SEMA6C: variants seen among roughly 807,000 people sequenced by gnomAD.
SEMA6C encodes semaphorin 6C.
SEMA6C carries 37 observed loss-of-function variants against 72.9 expected under a neutral mutation model. That is an observed-to-expected ratio of 0.51 (90% CI 0.39 to 0.67). The LOEUF is 0.67. SEMA6C is among the 30% of genes least tolerant of loss of function. The probability of loss-of-function intolerance (pLI) is 0.00; values close to 1 mark genes in which losing one functional copy is unlikely to be tolerated. For synonymous variants in SEMA6C, 578 were observed against 554.1 expected (o/e 1.04, Z -0.61); for missense variants, 1,189 against 1,263.6 (o/e 0.94, Z 0.89).
chr1:151,137,129 C>A, intron 10 of SEMA6C, 55 bp from the exon 11 acceptor site: 1 of 1,506,114 alleles, frequency 6.6e-7, no homozygotes. Context: ...GGGCCAGCTG[C>A]ATGCAAGGAG....
At chr1:151,140,135 C>T (rs1252882314) in intron 3 of SEMA6C, 45 bp from the exon 4 acceptor site, 1 of 1,501,854 alleles carries the variant, frequency 6.7e-7, no homozygotes, top group African/African-American at 1.4e-5. Context: ...CCACAAACTT[C>T]CCCAACACCC....
At chr1:151,134,146 C>CA in intron 18 of SEMA6C, 1 of 972,580 alleles carries the variant, frequency 1.0e-6, no homozygotes, top group African/African-American at 1.7e-5. Flanking sequence ...CTGTGGAACC[C>CA]AGGAGTCCAG....
At chr1:151,139,759 A>C in intron 4 of SEMA6C, 58 bp from the exon 5 acceptor site, 1 of 1,501,408 alleles carries the variant, frequency 6.7e-7, no homozygotes, top group Non-Finnish European at 9.0e-7. Context: ...CTTTACCCAC[A>C]GTCAGCTGTT....
intron 14 of SEMA6C, 38 bp downstream of exon 14, chr1:151,135,553 C>T: frequency 6.3e-7 from 1 of 1,586,328 alleles, no homozygotes; most frequent in South Asian, 1.1e-5. Context: ...CCCATCCCCT[C>T]CCTGCTTTGC....
intron 2 of SEMA6C, among the ~76,000 whole-genome samples, chr1:151,143,314 G>A (rs1682712002): frequency 2.0e-5 from 3 of 152,168 alleles, no homozygotes; most frequent in African/African-American, 7.2e-5. Context: ...AGTTGGTGGG[G>A]GGGACTGTCT....
Position 151,138,092 on chromosome 1 carries a change from G to A in SEMA6C, c.561C>T (p.Tyr187=). The A allele has an allele frequency of 6.2e-7, 1 of 1,614,100 alleles. No homozygotes were observed. The highest frequency in any genetic ancestry group is 2.2e-5 in the East Asian group (1 of 44,888). ...CCTGGAAATCCGCAGCTGTGGCTGA[G>A]TACAGGCTGCCCTCTGGAGGGATGG... ...NVAIFAEGSL[Y]SATAADFQAS... is the part of the protein sequence containing the mutation. Residue 187 remains tyrosine (Y), a synonymous_variant, in exon 9 of 19, where the codon TAC becomes TAT. Transcript: ENST00000368914.
chr1:151,136,120 A>G lies in SEMA6C; in HGVS notation c.1150T>C (p.Ser384Pro). 1 of 1,613,904 alleles carries G rather than the reference A, an allele frequency of 6.2e-7. No homozygotes were observed. The change falls in exon 13 of 19, where the codon TCT (serine) becomes CCT (proline). Residue 384 changes from serine to proline, a missense_variant. Physicochemically the swap from Ser to Pro is moderately conservative, Grantham distance 74. Around this residue, in one of 2 missense-constraint regions of SEMA6C, gnomAD observed 468 missense variants for 577.4 expected, o/e 0.81. Transcript: ENST00000368914. Reference sequence around the variant, plus strand: ...ACATCATCAGGGAGGTCTCGGGAAGAGGAGAACAAGGCAGCTCCCCCTACT... The same window carrying G: ...ACATCATCAGGGAGGTCTCGGGAAGGGGAGAACAAGGCAGCTCCCCCTACT... Reference protein sequence around the residue: ...AGVGGAALFSSSRDLPDDVLT... With the variant: ...AGVGGAALFSPSRDLPDDVLT...
intron 9 of SEMA6C, 51 bp from the exon 10 acceptor site, chr1:151,137,850 C>T (rs369854597): frequency 1.9e-6 from 3 of 1,589,120 alleles, no homozygotes; most frequent in South Asian, 2.2e-5. Context: ...TGTACCTGCT[C>T]AGAAGCTCCT....
In SEMA6C at chr1:151,133,030, C is replaced by A. The variant is rs1473690863; in HGVS notation, c.2247G>T (p.Leu749=). The A allele has an allele frequency of 1.7e-5, 24 of 1,399,562 alleles. No homozygotes were observed. Among genetic ancestry groups the A allele is most frequent in the Non-Finnish European group, 2.2e-5 (24 of 1,080,714 alleles). The allele number at this position is 1,399,562 out of a possible 1,614,324, so 86.7% of individuals were successfully genotyped here. ...GACAGCCGGGCGGCGGTGGCCTCAC[C>A]AGCACGCGGGGCGCGGGCCCGCCCG... The part of the protein sequence containing the change: ...HAAGGPAPRV[L]VRPPPPGCPG... Residue 749 remains leucine, a synonymous_variant, in exon 19 of 19, where the codon CTG becomes CTT. Transcript: ENST00000368914. This position sits in a 1 kb window ranked among gnomAD's most constrained non-coding sequence, Gnocchi z 5.9.
At position 151,145,638 on chromosome 1, in the gene SEMA6C, C is replaced by T. The variant is rs950274915; in HGVS notation, c.-105+795G>A. ...GGGCCGGGACCGGGTCCCAGAGCCA[C>T]GTTAGCGAGAGGAGGGGCTGGAGGG... On this transcript the variant is annotated intron_variant, in intron 1 of 18. Coordinates refer to ENST00000368914, the MANE Select transcript of SEMA6C (RefSeq NM_030913.6). The surrounding 1 kb of genome is among the most constrained non-coding windows in gnomAD (Gnocchi z 4.4). 4.3e-5 allele frequency: 7 copies of T among 163,874 alleles called. No individual in the cohort carries two copies. The highest frequency in any genetic ancestry group is 8.0e-5 in the Non-Finnish European group (6 of 75,406). The allele number at this position is 163,874 out of a possible 1,614,324, so 10.2% of individuals were successfully genotyped here. A position where few individuals can be genotyped will look rare whatever the true frequency, so the allele number is the denominator to read the frequency against.
At position 151,133,474 on chromosome 1, in the gene SEMA6C, G is replaced by A. The variant is rs368403631; in HGVS notation, c.1803C>T (p.Val601=). Residue 601 remains valine (V), a synonymous_variant, in exon 19 of 19, where the codon GTC becomes GTT. Transcript: ENST00000368914. This position sits in a 1 kb window ranked among gnomAD's most constrained non-coding sequence, Gnocchi z 5.9. ...CACTGGCCAGGAGGAGTGGGATGGG[G>A]ACGGAGCGGGAGGCCGAGGCTGGGG... ...DLPPASASRS[V]PIPLLLASVA... The A allele has an allele frequency of 3.9e-6, 6 of 1,547,266 alleles. No individual in the cohort carries two copies. In the African/African-American group the frequency reaches 8.2e-5, roughly 21 times the overall value.
Position 151,133,306 on chromosome 1 carries a change from G to A in SEMA6C, c.1971C>T (p.Leu657=). The change falls in exon 19 of 19, where the codon CTC becomes CTT. Residue 657 remains leucine, a synonymous_variant. Coordinates refer to ENST00000368914, the MANE Select transcript of SEMA6C (RefSeq NM_030913.6). The surrounding 1 kb of genome is among the most constrained non-coding windows in gnomAD (Gnocchi z 5.9). ...GCGGGGGCTCTGGGCCCCCACCGTGGAGCCGGGCCAAACTGCGGAGGGAGA... is the reference window on the plus strand; with the variant it reads ...GCGGGGGCTCTGGGCCCCCACCGTGAAGCCGGGCCAAACTGCGGAGGGAGA... ...RPLSLRSLAR[L]HGGGPEPPPP... 1 of 1,585,002 alleles carries A rather than the reference G, an allele frequency of 6.3e-7. No individual in the cohort carries two copies. Among genetic ancestry groups the A allele is most frequent in the Non-Finnish European group, 8.6e-7 (1 of 1,169,228 alleles).
chr1:151,138,278 C>T, intron 8 of SEMA6C, 38 bp downstream of exon 8: 2 of 1,606,164 alleles, frequency 1.2e-6, no homozygotes, highest in Non-Finnish European at 1.7e-6. Flanking sequence ...GAGCTCCCTC[C>T]AGCCACATGC....
intron 15 of SEMA6C, 27 bp downstream of exon 15, chr1:151,135,136 C>T (rs754079002): frequency 1.2e-6 from 2 of 1,609,306 alleles, no homozygotes; most frequent in African/African-American, 1.3e-5. Flanking sequence ...CTTGCCCACA[C>T]AGGGCCTGGC....
chr1:151,134,063 C>CA lies in SEMA6C; in HGVS notation c.1759+337dup, dbSNP rs922010696. The CA allele has an allele frequency of 2.0e-6, 3 of 1,502,726 alleles. No individual in the cohort carries two copies. The African/African-American group carries it at 4.2e-5, about 21-fold the overall frequency. The allele number at this position is 1,502,726 out of a possible 1,614,324, so 93.1% of individuals were successfully genotyped here. On this transcript the variant is annotated intron_variant, in intron 18 of 18. Transcript: ENST00000368914. ...GGCCAGGACCCGGAAGCACTGGTGG[C>CA]AGAGACCAGGTCAGAGCCAGTGAGG... is the stretch of plus-strand genomic sequence containing the variant.
chr1:151,136,017 G>T lies in SEMA6C; in HGVS notation c.1253C>A (p.Thr418Asn). ...PVTHQPLLTL[T>N]SRALLTQVAV... Reference sequence around the variant, plus strand: ...GTGTTTTTCAGCCCCATACCTGCTAGTGAGAGTGAGTAGAGGCTGATGGGT... The same window carrying T: ...GTGTTTTTCAGCCCCATACCTGCTATTGAGAGTGAGTAGAGGCTGATGGGT... Residue 418 changes from threonine to asparagine, a missense_variant, in exon 13 of 19, where the codon ACT becomes AAT. Thr to Asn is a moderately conservative substitution (Grantham distance 65). Transcript: ENST00000368914. The T allele has an allele frequency of 6.2e-7, 1 of 1,614,176 alleles. No individual in the cohort carries two copies.
intron 6 of SEMA6C, among the ~76,000 whole-genome samples, chr1:151,139,119 A>T (rs1682308970): frequency 6.6e-6 from 1 of 151,888 alleles, no homozygotes; most frequent in African/African-American, 2.4e-5. Context: ...AAAGAAAAGA[A>T]AAGAAAGAAA....
In SEMA6C at chr1:151,133,946, A is replaced by C; in HGVS notation, c.1760-429T>G. On this transcript the variant is annotated intron_variant, in intron 18 of 18. Transcript: ENST00000368914. The surrounding 1 kb of genome is among the most constrained non-coding windows in gnomAD (Gnocchi z 5.9). ...CCACACTTCACTCCTATCTCTCCCA[A>C]GTAGCCCCCTTACCCCGAGTGTGAA... 1 of 1,433,444 alleles carries C rather than the reference A, an allele frequency of 7.0e-7. No individual in the cohort carries two copies. Among genetic ancestry groups the C allele is most frequent in the East Asian group, 3.3e-5 (1 of 30,044 alleles). 88.8% of individuals were successfully genotyped at this position (1,433,444 alleles called of 1,614,324 possible).
Position 151,137,742 on chromosome 1 carries a change from T to C in SEMA6C, c.725A>G (p.Glu242Gly). The change falls in exon 10 of 19, where the codon GAG (glutamate) becomes GGG (glycine). Residue 242 changes from glutamate (E) to glycine (G), a missense_variant. Glu to Gly is a moderately conservative substitution (Grantham distance 98). Coordinates refer to ENST00000368914, the MANE Select transcript of SEMA6C (RefSeq NM_030913.6). ...CAGCCGAGCATCCTCCACAGAGACC[T>C]CGCGGAAGAAGAAGTAGACATGGTC... ...HGDHVYFFFR[E>G]VSVEDARLGR... 6.2e-7 allele frequency: 1 copy of C among 1,613,484 alleles called. No individual in the cohort carries two copies. The highest frequency in any genetic ancestry group is 8.5e-7 in the Non-Finnish European group (1 of 1,179,662).
Sources: gnomAD v4.1 joint callset for allele counts (sites outside exome capture counted in the v4.1 genomes callset) on GRCh38, gnomAD v4.1.1 for gene constraint, gnomAD v4.1.1 regional missense constraint, Gnocchi (gnomAD v3.1) non-coding constraint, MANE v1.5 for transcripts, NCBI Gene and HGNC (gene_info 2026-07-23, HGNC 2026-07-21) for gene names.